Variants in TFCP2 observed in about 807,000 individuals in gnomAD.
TFCP2 encodes alpha-globin transcription factor CP2.
In TFCP2, 33 loss-of-function variants were observed where a neutral mutation model predicts 73.4. That is an observed-to-expected ratio of 0.45 (90% confidence interval 0.34 to 0.60). The LOEUF (loss-of-function observed/expected upper bound fraction) is 0.60. Ranked by LOEUF, TFCP2 falls within the 20% of genes least tolerant of loss-of-function variation. TFCP2 has a pLI of 0.01. For synonymous variants in TFCP2, 193 were observed against 211.6 expected, an observed-to-expected ratio of 0.91 and a Z score of 0.76; for missense variants, 352 against 604.0, an observed-to-expected ratio of 0.58 and a Z score of 4.37.
chr12:51,140,909 A>T (rs909383030), intron 1 of TFCP2, among the ~76,000 whole-genome samples: 2 of 151,792 alleles, frequency 1.3e-5, no homozygotes, highest in African/African-American at 4.8e-5. Context: ...TACAAAAATT[A>T]GCCAGGCGTG....
chr12:51,165,855 T>C (rs1215911861), intron 1 of TFCP2, among the ~76,000 whole-genome samples: 1 of 152,146 alleles, frequency 6.6e-6, no homozygotes, highest in Non-Finnish European at 1.5e-5. Flanking sequence ...ACGGCATTTA[T>C]GAAAAACTCT....
At chr12:51,147,283 T>C (rs2640509) in intron 1 of TFCP2, among the ~76,000 whole-genome samples, 140,833 of 152,040 alleles carry the variant, frequency 0.93, 65,502 homozygotes, top group Non-Finnish European at 0.97. Context: ...GCAGAGGTTG[T>C]AGTGAGCCGA....
At chr12:51,145,567 C>CAAAAA (rs59778550) in intron 1 of TFCP2, among the ~76,000 whole-genome samples, 1 of 49,150 alleles carries the variant, frequency 2.0e-5, no homozygotes. Flanking sequence ...AAGACTATCT[C>CAAAAA]AAAAAAAAAA....
intron 13 of TFCP2, among the ~76,000 whole-genome samples, chr12:51,098,314 T>G (rs1433828288): frequency 6.6e-6 from 1 of 152,110 alleles, no homozygotes; most frequent in Admixed American, 6.6e-5. Context: ...AAAATGTGCA[T>G]GGGAATATGT....
At chr12:51,110,809 C>T (rs1940380542) in intron 5 of TFCP2, 68 bp downstream of exon 5, 1 of 1,159,480 alleles carries the variant, frequency 8.6e-7, no homozygotes, top group Non-Finnish European at 1.3e-6. Flanking sequence ...ATGTTTTATC[C>T]TTTAAGAAAT....
intron 1 of TFCP2, among the ~76,000 whole-genome samples, chr12:51,122,262 T>A (rs1041567959): frequency 7.2e-6 from 1 of 139,660 alleles, no homozygotes; most frequent in Non-Finnish European, 1.6e-5. Flanking sequence ...TCTTTTTTTT[T>A]TTTTTTTTTT....
At chr12:51,104,994 G>A in intron 8 of TFCP2, among the ~76,000 whole-genome samples, 1 of 151,862 alleles carries the variant, frequency 6.6e-6, no homozygotes, top group East Asian at 1.9e-4. Context: ...TTACAGGCGT[G>A]AGCCACCGCG....
intron 1 of TFCP2, among the ~76,000 whole-genome samples, chr12:51,169,649 G>A (rs935148299): frequency 7.2e-5 from 11 of 152,316 alleles, no homozygotes; most frequent in African/African-American, 2.6e-4. Context: ...CTTGAGCCCG[G>A]GAGATGGAAG....
At chr12:51,128,003 T>A (rs1940850707) in intron 1 of TFCP2, among the ~76,000 whole-genome samples, 1 of 151,500 alleles carries the variant, frequency 6.6e-6, no homozygotes, top group African/African-American at 2.4e-5. Context: ...CACCGCAACC[T>A]CTGCCTCCTG....
rs1238025204 is a variant in TFCP2, at chr12:51,173,123, C to T, written c.-701G>A. On this transcript the variant is annotated 5_prime_UTR_variant, in exon 1 of 15. Coordinates refer to ENST00000257915, the MANE Select transcript of TFCP2 (RefSeq NM_005653.5). ...CAATCATGGCGTCCTCTTTCCTCGCCTGCCCGGCGAACATGACGTCACGCT... is the reference window on the plus strand; with the variant it reads ...CAATCATGGCGTCCTCTTTCCTCGCTTGCCCGGCGAACATGACGTCACGCT... The T allele has an allele frequency of 6.6e-6, 1 of 152,440 alleles. No individual in the cohort carries two copies. The highest frequency in any genetic ancestry group is 1.5e-5 in the Non-Finnish European group (1 of 68,236). 9.4% of individuals were successfully genotyped at this position (152,440 alleles called of 1,614,324 possible). A position where few individuals can be genotyped will look rare whatever the true frequency, so the allele number is the denominator to read the frequency against.
At chr12:51,144,469 CAGAT>C (rs753466141) in intron 1 of TFCP2, among the ~76,000 whole-genome samples, 9 of 152,096 alleles carry the variant, frequency 5.9e-5, no homozygotes, top group Non-Finnish European at 1.3e-4. Context: ...GGTATTGAAA[CAGAT>C]AGACAAATTA....
rs1388503652 is a variant in TFCP2, at chr12:51,136,083, G to A, written c.123-17311C>T. Among the ~76,000 whole-genome samples, 10 of 151,996 alleles carry A rather than the reference G, an allele frequency of 6.6e-5. No homozygotes were observed. In the East Asian group the frequency reaches 1.9e-3, roughly 30 times the overall value. ...ACACTTTGGGAGGCTGAGGTGGGCG[G>A]ATCATGTGGTCAGGAGTTCGAGACC... On this transcript the variant is annotated intron_variant, in intron 1 of 14. Transcript: ENST00000257915.
intron 1 of TFCP2, among the ~76,000 whole-genome samples, chr12:51,137,181 C>T (rs907553377): frequency 6.6e-6 from 1 of 152,150 alleles, no homozygotes; most frequent in Admixed American, 6.5e-5. Flanking sequence ...ACCAGATGTA[C>T]ATTTCATTAT....
intron 1 of TFCP2, among the ~76,000 whole-genome samples, chr12:51,152,471 G>A (rs1265760817): frequency 3.3e-5 from 5 of 152,072 alleles, no homozygotes; most frequent in African/African-American, 1.2e-4. Flanking sequence ...ATCTGAATAA[G>A]GTCTATAGAT....
At chr12:51,169,966 G>A (rs765304504) in intron 1 of TFCP2, among the ~76,000 whole-genome samples, 12 of 152,206 alleles carry the variant, frequency 7.9e-5, no homozygotes, top group Non-Finnish European at 1.0e-4. Flanking sequence ...ACAAATGTTT[G>A]CTGGTGATGT....
At chr12:51,152,184 C>T (rs557669733) in intron 1 of TFCP2, among the ~76,000 whole-genome samples, 1 of 152,282 alleles carries the variant, frequency 6.6e-6, no homozygotes, top group East Asian at 1.9e-4. Flanking sequence ...CATGTGCATC[C>T]TAATATGATA....
intron 7 of TFCP2, 47 bp downstream of exon 7, chr12:51,107,189 G>C (rs753378325): frequency 6.9e-7 from 1 of 1,458,538 alleles, no homozygotes; most frequent in Non-Finnish European, 9.4e-7. Flanking sequence ...GAATTTTTAA[G>C]ATTAAAAATT....
chr12:51,160,896 G>A (rs1317924040), intron 1 of TFCP2, among the ~76,000 whole-genome samples: 2 of 152,088 alleles, frequency 1.3e-5, no homozygotes, highest in African/African-American at 4.8e-5. Context: ...CTGGTGCTAG[G>A]GCAGGAAATA....
At chr12:51,137,822 T>C (rs1941095487) in intron 1 of TFCP2, among the ~76,000 whole-genome samples, 1 of 152,184 alleles carries the variant, frequency 6.6e-6, no homozygotes, top group African/African-American at 2.4e-5. Flanking sequence ...CAGTTTTGTT[T>C]TGTTTTGTTT....
Sources: gnomAD v4.1 joint callset for allele counts (sites outside exome capture counted in the v4.1 genomes callset) on GRCh38, gnomAD v4.1.1 for gene constraint, MANE v1.5 for transcripts, NCBI Gene and HGNC (gene_info 2026-07-23, HGNC 2026-07-21) for gene names.